NCALD: variants seen among roughly 807,000 people sequenced by gnomAD.
NCALD encodes the protein neurocalcin-delta.
In NCALD, 10 loss-of-function variants were observed where a neutral mutation model predicts 18.6. The ratio of observed to expected loss-of-function variants is 0.54; its 90% CI spans 0.33 to 0.91. The LOEUF (loss-of-function observed/expected upper bound fraction) is 0.91. NCALD is among the 40% of genes least tolerant of loss of function. The probability of loss-of-function intolerance (pLI) is 0.03; values close to 1 mark genes in which losing one functional copy is unlikely to be tolerated. For missense variants in NCALD, 184 were observed against 247.6 expected (o/e 0.74, Z 1.72); for synonymous variants, 88 against 87.4 (o/e 1.01, Z -0.04).
intron 1 of NCALD, among the ~76,000 whole-genome samples, chr8:102,055,267 G>A (rs1269700): frequency 0.42 from 44,229 of 106,030 alleles, 7,883 homozygotes; most frequent in East Asian, 0.68. Context: ...AAAAAAAAAA[G>A]AAGAAGAAGC....
chr8:101,854,276 C>T (rs954113057), intron 4 of NCALD, among the ~76,000 whole-genome samples: 13 of 152,240 alleles, frequency 8.5e-5, no homozygotes, highest in African/African-American at 3.1e-4. Context: ...CTGTTGGTCC[C>T]TGCATACAAG....
intron 4 of NCALD, among the ~76,000 whole-genome samples, chr8:101,817,666 A>T (rs1483880035): frequency 1.3e-5 from 2 of 152,144 alleles, no homozygotes; most frequent in African/African-American, 2.4e-5. Context: ...TTTCAGAATA[A>T]TAACCCTAAA....
At chr8:101,765,566 G>C (rs751581617) in intron 1 of NCALD, among the ~76,000 whole-genome samples, 97 of 152,278 alleles carry the variant, frequency 6.4e-4, no homozygotes, top group African/African-American at 2.1e-3. Context: ...TGGAATCTTT[G>C]TTCATGCTCA....
At chr8:101,773,412 C>T (rs564565764) in intron 1 of NCALD, among the ~76,000 whole-genome samples, 2 of 152,338 alleles carry the variant, frequency 1.3e-5, no homozygotes, top group African/African-American at 4.8e-5. Context: ...TCTCTGATAA[C>T]AAAATGCTGT....
intron 2 of NCALD, among the ~76,000 whole-genome samples, chr8:102,019,866 C>G (rs924094737): frequency 6.6e-6 from 1 of 152,028 alleles, no homozygotes; most frequent in Non-Finnish European, 1.5e-5. Context: ...TAAAATTCAA[C>G]ATGTATTTAT....
chr8:101,807,374 C>T (rs1813144373), intron 4 of NCALD, among the ~76,000 whole-genome samples: 1 of 151,884 alleles, frequency 6.6e-6, no homozygotes, highest in Admixed American at 6.6e-5. Flanking sequence ...TCAACAACAA[C>T]AGCACAAAGG....
chr8:102,064,080 A>G (rs1260659740), intron 1 of NCALD, among the ~76,000 whole-genome samples: 3 of 152,250 alleles, frequency 2.0e-5, no homozygotes, highest in Admixed American at 6.5e-5. Context: ...ATGTTCCAAC[A>G]TGAATTTCTA....
chr8:102,001,042 T>G (rs917717680), intron 2 of NCALD, among the ~76,000 whole-genome samples: 1 of 152,052 alleles, frequency 6.6e-6, no homozygotes, highest in Non-Finnish European at 1.5e-5. Flanking sequence ...CTTTGATGAG[T>G]AGAGAGAAGA....
At position 101,688,618 on chromosome 8, in the gene NCALD, G is replaced by A. The variant is rs771289105; in HGVS notation, c.*691C>T. ...CACAATAGGCAACAAGATGGGTCTG[G>A]TTTTGGAATATGTTACCATTTGTGT... On this transcript the variant is annotated 3_prime_UTR_variant, in exon 4 of 4. Coordinates refer to ENST00000220931, the MANE Select transcript of NCALD (RefSeq NM_032041.3). The A allele has an allele frequency of 2.2e-6, 1 of 457,718 alleles. No homozygotes were observed. The highest frequency in any genetic ancestry group is 1.5e-5 in the South Asian group (1 of 64,550). The allele number at this position is 457,718 out of a possible 1,614,324, so 28.4% of individuals were successfully genotyped here.
intron 4 of NCALD, among the ~76,000 whole-genome samples, chr8:101,827,341 C>A (rs1246103812): frequency 6.6e-6 from 1 of 152,186 alleles, no homozygotes; most frequent in Non-Finnish European, 1.5e-5. Context: ...AATTTAATCG[C>A]CTCTGCAAAG....
intron 1 of NCALD, among the ~76,000 whole-genome samples, chr8:102,051,415 G>A (rs1984341): frequency 0.047 from 7,097 of 151,084 alleles, 229 homozygotes; most frequent in South Asian, 0.13. Context: ...TGGCTGGACC[G>A]CAGTAGCCTT....
chr8:101,916,330 A>G (rs1817970734), intron 2 of NCALD, among the ~76,000 whole-genome samples: 1 of 152,182 alleles, frequency 6.6e-6, no homozygotes. Flanking sequence ...GTGCTAAGGG[A>G]ATTCATTACC....
intron 1 of NCALD, among the ~76,000 whole-genome samples, chr8:102,077,473 A>T (rs1360584747): frequency 6.6e-6 from 1 of 152,236 alleles, no homozygotes; most frequent in Non-Finnish European, 1.5e-5. Flanking sequence ...TTAAGAGGGA[A>T]CTAATAAAAA....
At position 101,744,939 on chromosome 8, in the gene NCALD, G is replaced by C. The variant is rs1485423753; in HGVS notation, c.-19-25291C>G. Among the ~76,000 whole-genome samples, 4 of 149,148 alleles carry C rather than the reference G, an allele frequency of 2.7e-5. No homozygotes were observed. The Admixed American group carries it at 2.7e-4, about 10-fold the overall frequency. ...ATAACCAAAATAAAATTTAATAATC[G>C]TATGGTGAGGAAAGACTGCTGGTGC... On this transcript the variant is annotated intron_variant, in intron 1 of 3. Coordinates refer to ENST00000220931, the MANE Select transcript of NCALD (RefSeq NM_032041.3).
intron 2 of NCALD, among the ~76,000 whole-genome samples, chr8:101,994,950 G>T (rs1334186558): frequency 6.6e-6 from 1 of 152,152 alleles, no homozygotes; most frequent in Middle Eastern, 3.2e-3. Context: ...TACTTTGTAG[G>T]ATTGCTGAGG....
intron 1 of NCALD, among the ~76,000 whole-genome samples, chr8:102,067,539 G>A (rs1170203230): frequency 6.6e-6 from 1 of 152,082 alleles, no homozygotes; most frequent in Non-Finnish European, 1.5e-5. Context: ...ATCTAGTAAA[G>A]CACCAGTAGG....
rs140446386 is a variant in NCALD at position 102,041,255 on chromosome 8, G to A, written c.-209-20966C>T. On this transcript the variant is annotated intron_variant, in intron 1 of 6. Coordinates refer to the NCALD transcript ENST00000311028. The stretch of plus-strand genomic sequence containing the variant: ...TCTATCTTATCAAGTATTTCCAAAA[G>A]TCACTCCTCCTCAACAACAACAAAT... Among the ~76,000 whole-genome samples the A allele has an allele frequency of 3.9e-3, 590 of 152,192 alleles. 1 individual carries two copies. Among genetic ancestry groups the A allele is most frequent in the African/African-American group, 0.013 (552 of 41,528 alleles).
intron 2 of NCALD, among the ~76,000 whole-genome samples, chr8:101,988,305 G>A (rs1264321261): frequency 6.6e-6 from 1 of 151,982 alleles, no homozygotes; most frequent in African/African-American, 2.4e-5. Flanking sequence ...ATATACAACA[G>A]ATTAACATAT....
intron 2 of NCALD, among the ~76,000 whole-genome samples, chr8:102,010,415 A>T (rs1821865886): frequency 6.6e-6 from 1 of 152,234 alleles, no homozygotes; most frequent in Non-Finnish European, 1.5e-5. Context: ...AGTAATTATG[A>T]CATCATAAAG....
Sources: gnomAD v4.1 joint callset for allele counts (sites outside exome capture counted in the v4.1 genomes callset) on GRCh38, gnomAD v4.1.1 for gene constraint, MANE v1.5 for transcripts, NCBI Gene and HGNC (gene_info 2026-07-23, HGNC 2026-07-21) for gene names.